XPO4: variants seen among roughly 807,000 people sequenced by gnomAD.
XPO4 encodes the protein exportin-4.
XPO4 carries 39 observed loss-of-function variants against 143.0 expected under a neutral mutation model. That is an observed-to-expected ratio of 0.27 (90% confidence interval 0.21 to 0.36). The LOEUF (loss-of-function observed/expected upper bound fraction) is 0.36, where lower values mean the gene tolerates loss of function less well. Ranked by LOEUF, XPO4 falls within the 10% of genes least tolerant of loss-of-function variation. The probability of loss-of-function intolerance (pLI) is 1.00; values close to 1 mark genes in which losing one functional copy is unlikely to be tolerated. For missense variants in XPO4, 907 were observed against 1,348.0 expected (o/e 0.67, Z 5.12); for synonymous variants, 439 against 474.0 (o/e 0.93, Z 0.96).
At chr13:20,806,510 A>C (rs755200930) in intron 13 of XPO4, among the ~76,000 whole-genome samples, 18 of 121,214 alleles carry the variant, frequency 1.5e-4, no homozygotes, top group Non-Finnish European at 3.0e-4. Context: ...GAAATTTCAC[A>C]TGTTGTTTTC....
chr13:20,795,815 T>C (rs964745900), intron 18 of XPO4, among the ~76,000 whole-genome samples: 2 of 152,190 alleles, frequency 1.3e-5, no homozygotes, highest in African/African-American at 4.8e-5. Flanking sequence ...ATTGACTTCA[T>C]ACCATTGTGA....
Position 20,851,498 on chromosome 13 carries a change from TG to T in XPO4, c.456+4128del, listed in dbSNP as rs1417598895. On this transcript the variant is annotated intron_variant, in intron 4 of 22. Coordinates refer to ENST00000255305, the MANE Select transcript of XPO4 (RefSeq NM_022459.5). ...CCAAGGTGGGCAGATTGCTTGAGCC[TG>T]GAAGTTTGAGACCAGCTTGGGCAAC... is the stretch of plus-strand genomic sequence containing the variant. 6.5e-6 allele frequency: 6 copies of T among 920,976 alleles called. No homozygotes were observed. In the African/African-American group the frequency reaches 7.2e-5, roughly 11 times the overall value. The allele number at this position is 920,976 out of a possible 1,614,324, so 57.1% of individuals were successfully genotyped here. A position where few individuals can be genotyped will look rare whatever the true frequency, so the allele number is the denominator to read the frequency against.
At chr13:20,863,616 C>CAAT (rs1203895179) in intron 2 of XPO4, among the ~76,000 whole-genome samples, 1 of 151,998 alleles carries the variant, frequency 6.6e-6, no homozygotes, top group Non-Finnish European at 1.5e-5. Context: ...CTTTATTCAC[C>CAAT]AATACCACTA....
chr13:20,832,653 C>A (rs2059866929), intron 6 of XPO4, among the ~76,000 whole-genome samples: 1 of 152,118 alleles, frequency 6.6e-6, no homozygotes, highest in Admixed American at 6.5e-5. Context: ...AATATTTAAT[C>A]CCTTTCATTA....
chr13:20,862,186 A>C (rs2060207417), intron 3 of XPO4, among the ~76,000 whole-genome samples: 1 of 152,112 alleles, frequency 6.6e-6, no homozygotes, highest in South Asian at 2.1e-4. Context: ...CACCTGTGTT[A>C]TATCAATACT....
intron 1 of XPO4, among the ~76,000 whole-genome samples, chr13:20,889,972 G>A (rs1396543881): frequency 6.6e-6 from 1 of 152,158 alleles, no homozygotes; most frequent in Non-Finnish European, 1.5e-5. Context: ...AATATTGTGT[G>A]CCACCAATGT....
chr13:20,800,381 A>C, intron 14 of XPO4, 56 bp from the exon 15 acceptor site: 1 of 1,537,286 alleles, frequency 6.5e-7, no homozygotes, highest in Non-Finnish European at 8.8e-7. Flanking sequence ...CTCAAGAAAA[A>C]AAAAACAGAG....
chr13:20,824,378 G>C (rs555209004), intron 7 of XPO4, among the ~76,000 whole-genome samples: 3 of 152,094 alleles, frequency 2.0e-5, no homozygotes, highest in Non-Finnish European at 4.4e-5. Context: ...TGTAATCTGG[G>C]ACAATAAGAA....
chr13:20,804,675 A>C (rs999793934), intron 13 of XPO4, among the ~76,000 whole-genome samples: 1 of 152,184 alleles, frequency 6.6e-6, no homozygotes, highest in African/African-American at 2.4e-5. Context: ...TGATATTCCA[A>C]GATTAATACC....
intron 1 of XPO4, among the ~76,000 whole-genome samples, chr13:20,896,181 T>C (rs2060567227): frequency 6.6e-6 from 1 of 152,194 alleles, no homozygotes; most frequent in African/African-American, 2.4e-5. Flanking sequence ...AGCTTCTGAA[T>C]ACATTGTAAT....
In XPO4 at chr13:20,779,418, G is replaced by A. The variant is rs1461141822; in HGVS notation, c.*4304C>T. 6.6e-6 allele frequency: 1 copy of A among 152,564 alleles called. No individual in the cohort carries two copies. Among genetic ancestry groups the A allele is most frequent in the African/African-American group, 2.4e-5 (1 of 41,426 alleles). The allele number at this position is 152,564 out of a possible 1,614,324, so 9.5% of individuals were successfully genotyped here. A position where few individuals can be genotyped will look rare whatever the true frequency, so the allele number is the denominator to read the frequency against. On this transcript the variant is annotated 3_prime_UTR_variant, in exon 23 of 23. Coordinates refer to ENST00000255305, the MANE Select transcript of XPO4 (RefSeq NM_022459.5). ...TTCAGGCTAGGAAAATTAGCTACTA[G>A]TATGTATCTGACAGTTCCTAATAGC...
chr13:20,878,999 T>G (rs2060380605), intron 1 of XPO4: 5 of 705,962 alleles, frequency 7.1e-6, no homozygotes, highest in Non-Finnish European at 8.7e-6. Context: ...CTTAAAAATT[T>G]TAAGTGCATC....
At chr13:20,869,694 T>C (rs1479043596) in intron 1 of XPO4, 10 of 597,868 alleles carry the variant, frequency 1.7e-5, no homozygotes, top group South Asian at 1.5e-4. Context: ...AATTAACTAC[T>C]GTGAATCTCT....
At chr13:20,786,882 G>A in intron 22 of XPO4, 83 bp downstream of exon 22, 1 of 1,116,654 alleles carries the variant, frequency 9.0e-7, no homozygotes, top group Non-Finnish European at 1.3e-6. Context: ...TATAAGGGGG[G>A]ATTAATGACC....
chr13:20,816,232 G>A (rs1016362827), intron 9 of XPO4, among the ~76,000 whole-genome samples: 1 of 152,130 alleles, frequency 6.6e-6, no homozygotes, highest in Non-Finnish European at 1.5e-5. Context: ...ATTAAAGACT[G>A]AAAGAGCTAT....
At chr13:20,872,036 A>G (rs1038803466) in intron 1 of XPO4, among the ~76,000 whole-genome samples, 1 of 152,206 alleles carries the variant, frequency 6.6e-6, no homozygotes, top group Non-Finnish European at 1.5e-5. Context: ...CTACTTGGCA[A>G]TGGTTTCCAA....
intron 4 of XPO4, among the ~76,000 whole-genome samples, chr13:20,850,589 C>A (rs1332710077): frequency 6.6e-6 from 1 of 152,068 alleles, no homozygotes; most frequent in Admixed American, 6.6e-5. Flanking sequence ...CATAGTGAGA[C>A]CCCATCTTTA....
chr13:20,852,663 T>C lies in XPO4; in HGVS notation c.456+2964A>G, dbSNP rs930940934. 50 of 973,420 alleles carry C rather than the reference T, an allele frequency of 5.1e-5. No individual in the cohort carries two copies. In the African/African-American group the frequency reaches 8.4e-4, roughly 16 times the overall value. The allele number at this position is 973,420 out of a possible 1,614,324, so 60.3% of individuals were successfully genotyped here. A position where few individuals can be genotyped will look rare whatever the true frequency, so the allele number is the denominator to read the frequency against. On this transcript the variant is annotated intron_variant, in intron 4 of 22. Transcript: ENST00000255305. ...AACATTTAAATAATGATTATGAATA[T>C]TTATGGCAACATGGAAAATACAGAA...
chr13:20,778,586 C>T lies in XPO4; in HGVS notation c.*5136G>A, dbSNP rs2059107039. 6.6e-6 allele frequency: 1 copy of T among 151,802 alleles called. No individual in the cohort carries two copies. The allele number at this position is 151,802 out of a possible 1,614,324, so 9.4% of individuals were successfully genotyped here. A position where few individuals can be genotyped will look rare whatever the true frequency, so the allele number is the denominator to read the frequency against. Reference sequence around the variant, plus strand: ...TTAACTAGTAACTGTGAAACTGTTTCTAAGACTGTGGGCTGAGATAAATAT... The same window carrying T: ...TTAACTAGTAACTGTGAAACTGTTTTTAAGACTGTGGGCTGAGATAAATAT... On this transcript the variant is annotated 3_prime_UTR_variant, in exon 23 of 23. Coordinates refer to ENST00000255305, the MANE Select transcript of XPO4 (RefSeq NM_022459.5).
Sources: gnomAD v4.1 joint callset for allele counts (sites outside exome capture counted in the v4.1 genomes callset) on GRCh38, gnomAD v4.1.1 for gene constraint, MANE v1.5 for transcripts, NCBI Gene and HGNC (gene_info 2026-07-23, HGNC 2026-07-21) for gene names.